Variants in NLRP12 observed in about 807,000 individuals in gnomAD.
The protein encoded by NLRP12 is NLR family pyrin domain containing 12.
NLRP12 carries 108 observed loss-of-function variants against 91.2 expected under a neutral mutation model. The ratio of observed to expected loss-of-function variants is 1.18; its 90% CI spans 1.01 to 1.39. NLRP12 has a LOEUF of 1.39. NLRP12 is among the 40% of genes most tolerant of loss of function. The probability of loss-of-function intolerance (pLI) is 0.00; values close to 1 mark genes in which losing one functional copy is unlikely to be tolerated. For synonymous variants in NLRP12, 613 were observed against 566.7 expected (o/e 1.08, Z -1.16); for missense variants, 1,530 against 1,352.7 (o/e 1.13, Z -2.06).
intron 1 of NLRP12, among the ~76,000 whole-genome samples, chr19:53,823,250 A>T (rs1032254017): frequency 7.3e-6 from 1 of 136,922 alleles, no homozygotes; most frequent in Non-Finnish European, 1.6e-5. Flanking sequence ...TATTTAATAT[A>T]TAATATTTAT....
chr19:53,822,888 C>G (rs1301358100), intron 1 of NLRP12, among the ~76,000 whole-genome samples: 2 of 151,848 alleles, frequency 1.3e-5, no homozygotes, highest in Non-Finnish European at 2.9e-5. Context: ...CTGCCTCAGC[C>G]TCCCATGTAG....
rs767729913 is a variant in NLRP12, at chr19:53,795,942, C to T, written c.3015G>A (p.Leu1005=). The part of the protein sequence containing the change: ...GINQTLTDLY[L]TNNALGDTGV... ...CTGTGTCCCCTAGGGCGTTGTTGGT[C>T]AGGTAAAGGTCGGTCAAGGTCTGGT... Residue 1005 remains leucine, a synonymous_variant, in exon 9 of 10, where the codon CTG becomes CTA. Transcript: ENST00000324134. The T allele has an allele frequency of 3.1e-6, 5 of 1,614,020 alleles. No homozygotes were observed. In the African/African-American group the frequency reaches 6.7e-5, roughly 22 times the overall value.
chr19:53,805,011 C>T (rs2091934864), intron 5 of NLRP12, among the ~76,000 whole-genome samples: 1 of 151,996 alleles, frequency 6.6e-6, no homozygotes, highest in South Asian at 2.1e-4. Flanking sequence ...ACTTGGGCAA[C>T]ATAGCAAGAC....
intron 7 of NLRP12, among the ~76,000 whole-genome samples, chr19:53,799,120 C>G (rs1568659055): frequency 6.8e-6 from 1 of 147,850 alleles, no homozygotes; most frequent in Non-Finnish European, 1.5e-5. Flanking sequence ...TCAAGTGATT[C>G]TTCTGCCTCA....
At position 53,801,442 on chromosome 19, in the gene NLRP12, CTTTTTCTTT is replaced by C. The variant is rs1416158288; in HGVS notation, c.2586-54_2586-46del. ...ACAAGCATTATGGAGGCTTTCCTTT[CTTTTTCTTT>C]TTTTTTTTTTTTTTTTTTGAGACAG... is the stretch of plus-strand genomic sequence containing the variant. On this transcript the variant is annotated intron_variant, in intron 6 of 9. Transcript: ENST00000324134. 23 of 1,304,876 alleles carry C rather than the reference CTTTTTCTTT, an allele frequency of 1.8e-5. No individual in the cohort carries two copies. The East Asian group carries it at 2.7e-4, about 15-fold the overall frequency. 80.8% of individuals were successfully genotyped at this position (1,304,876 alleles called of 1,614,324 possible).
In NLRP12 at chr19:53,807,659, C is replaced by A; in HGVS notation, c.2079G>T (p.Glu693Asp). 1 of 1,614,156 alleles carries A rather than the reference C, an allele frequency of 6.2e-7. No homozygotes were observed. Among genetic ancestry groups the A allele is most frequent in the Non-Finnish European group, 8.5e-7 (1 of 1,180,026 alleles). ...TGTAGGCGTCCAGCAGAACGGTCCTCTCTGGTCTGCTTGAAGGAAAGACAG... is the reference window on the plus strand; with the variant it reads ...TGTAGGCGTCCAGCAGAACGGTCCTATCTGGTCTGCTTGAAGGAAAGACAG... ...GAHTLLVQLP[E>D]RTVLLDAYSE... Residue 693 changes from glutamate to aspartate, a missense_variant, in exon 4 of 10, where the codon GAG becomes GAT. By Grantham distance (45) the Glu-to-Asp change is conservative. Coordinates refer to ENST00000324134, the MANE Select transcript of NLRP12 (RefSeq NM_144687.4).
At chr19:53,808,974 A>G (rs1218245412) in intron 3 of NLRP12, among the ~76,000 whole-genome samples, 3 of 151,968 alleles carry the variant, frequency 2.0e-5, no homozygotes, top group African/African-American at 4.8e-5. Flanking sequence ...ACTGGTTAAG[A>G]GCATGAACCT....
At chr19:53,802,503 C>A (rs1055319888) in intron 6 of NLRP12, among the ~76,000 whole-genome samples, 1 of 151,472 alleles carries the variant, frequency 6.6e-6, no homozygotes, top group South Asian at 2.1e-4. Context: ...GTCAGGAGAT[C>A]GAGACCATCC....
At chr19:53,818,193 C>T (rs1347315627) in intron 1 of NLRP12, among the ~76,000 whole-genome samples, 2 of 151,756 alleles carry the variant, frequency 1.3e-5, no homozygotes, top group African/African-American at 4.8e-5. Flanking sequence ...AAGTGATCCT[C>T]CCATCTCAGC....
intron 6 of NLRP12, among the ~76,000 whole-genome samples, chr19:53,801,818 C>T (rs1263901264): frequency 1.3e-5 from 2 of 151,970 alleles, no homozygotes; most frequent in East Asian, 3.9e-4. Flanking sequence ...AAGGGCCCGG[C>T]CTGGTGGCTC....
chr19:53,816,739 A>G (rs2092165799), intron 1 of NLRP12, among the ~76,000 whole-genome samples: 1 of 151,388 alleles, frequency 6.6e-6, no homozygotes, highest in Non-Finnish European at 1.5e-5. Flanking sequence ...ATGCGGTTTG[A>G]CCATGTTGGC....
At position 53,809,738 on chromosome 19, in the gene NLRP12, T is replaced by C; in HGVS notation, c.1921A>G (p.Ile641Val). 2 of 1,614,040 alleles carry C rather than the reference T, an allele frequency of 1.2e-6. No homozygotes were observed. The change falls in exon 3 of 10, where the codon ATT (isoleucine) becomes GTT (valine). Residue 641 changes from isoleucine (I) to valine (V), a missense_variant. Ile to Val is a conservative substitution (Grantham distance 29). Coordinates refer to ENST00000324134, the MANE Select transcript of NLRP12 (RefSeq NM_144687.4). The part of the protein sequence containing the change: ...SHFQVIVVSN[I>V]ASKMEHMVSS... The stretch of plus-strand genomic sequence containing the variant: ...ACCATGTGCTCCATCTTGGAGGCAA[T>C]GTTGCTGACCACGATCACCTGGAAG...
At chr19:53,798,553 G>T in intron 7 of NLRP12, 140 bp from the exon 8 acceptor site, 1 of 818,608 alleles carries the variant, frequency 1.2e-6, no homozygotes, top group East Asian at 2.7e-5. Flanking sequence ...AAAAGAAAAA[G>T]ACGACAGAAG....
chr19:53,816,069 G>A (rs1294299120), intron 1 of NLRP12, among the ~76,000 whole-genome samples: 1 of 151,436 alleles, frequency 6.6e-6, no homozygotes, highest in Non-Finnish European at 1.5e-5. Flanking sequence ...ATCGTGCCCA[G>A]CCCAAAAAAG....
intron 6 of NLRP12, among the ~76,000 whole-genome samples, chr19:53,803,443 G>A (rs953107409): frequency 2.0e-5 from 3 of 151,944 alleles, no homozygotes; most frequent in Non-Finnish European, 4.4e-5. Flanking sequence ...GCCTCCCAAA[G>A]TGCTGGGATT....
intron 1 of NLRP12, among the ~76,000 whole-genome samples, chr19:53,815,766 G>A (rs564871074): frequency 6.6e-5 from 10 of 151,266 alleles, no homozygotes; most frequent in East Asian, 5.9e-4. Context: ...GTGTCACCAC[G>A]CCCGGATAAT....
chr19:53,800,761 T>C (rs1232225332), intron 7 of NLRP12, among the ~76,000 whole-genome samples: 4 of 152,070 alleles, frequency 2.6e-5, no homozygotes, highest in Non-Finnish European at 4.4e-5. Flanking sequence ...TTTGTATTTT[T>C]AGTACAGATG....
chr19:53,803,796 A>C, intron 6 of NLRP12, 156 bp downstream of exon 6: 5 of 719,260 alleles, frequency 7.0e-6, no homozygotes, highest in Non-Finnish European at 1.2e-5. Flanking sequence ...CTGGTCTCGA[A>C]CTCCTGACCT....
In NLRP12 at chr19:53,803,898, T is replaced by G. The variant is rs1031243190; in HGVS notation, c.2585+54A>C. 14 of 1,560,406 alleles carry G rather than the reference T, an allele frequency of 9.0e-6. No individual in the cohort carries two copies. In the Admixed American group the frequency reaches 1.8e-4, roughly 20 times the overall value. Reference sequence around the variant, plus strand: ...CTGTGGATGCATTTTTATACCATCATTCAATATGAAGAGATTTGCCATTTT... The same window carrying G: ...CTGTGGATGCATTTTTATACCATCAGTCAATATGAAGAGATTTGCCATTTT... On this transcript the variant is annotated intron_variant, in intron 6 of 9. Transcript: ENST00000324134.
Sources: gnomAD v4.1 joint callset for allele counts (sites outside exome capture counted in the v4.1 genomes callset) on GRCh38, gnomAD v4.1.1 for gene constraint, MANE v1.5 for transcripts, NCBI Gene and HGNC (gene_info 2026-07-23, HGNC 2026-07-21) for gene names.